Variants in ZFHX3 observed in about 807,000 individuals in gnomAD.
ZFHX3 encodes the protein zinc finger homeobox protein 3.
A neutral mutation model predicts 279.1 loss-of-function variants in ZFHX3; 42 were observed. The observed-to-expected ratio is 0.15, with a 90% CI of 0.12 to 0.19. The LOEUF (loss-of-function observed/expected upper bound fraction) is 0.19, where lower values mean the gene tolerates loss of function less well. ZFHX3 is among the 10% of genes least tolerant of loss of function. ZFHX3 has a pLI of 1.00. For synonymous variants in ZFHX3, 2,293 were observed against 1,957.8 expected, an observed-to-expected ratio of 1.17 and a Z score of -4.52; for missense variants, 4,981 against 4,754.0, an observed-to-expected ratio of 1.05 and a Z score of -1.40.
At chr16:73,241,080 G>A (rs1249888835) in intron 5 of ZFHX3, among the ~76,000 whole-genome samples, 1 of 152,142 alleles carries the variant, frequency 6.6e-6, no homozygotes, top group Non-Finnish European at 1.5e-5. Context: ...CAAAGACTAG[G>A]CAATTGATGA....
At chr16:72,916,566 G>A (rs80060958) in intron 3 of ZFHX3, among the ~76,000 whole-genome samples, 1,535 of 152,284 alleles carry the variant, frequency 0.01, 44 homozygotes, top group East Asian at 0.037. Context: ...TCATTTGTAC[G>A]AATTGACTAA....
intron 3 of ZFHX3, among the ~76,000 whole-genome samples, chr16:73,407,185 G>A (rs1362745409): frequency 2.0e-5 from 3 of 152,194 alleles, no homozygotes; most frequent in Non-Finnish European, 4.4e-5. Context: ...CCTACCTCCA[G>A]CCACCACGGA....
chr16:72,872,036 G>T (rs529204691), intron 4 of ZFHX3, among the ~76,000 whole-genome samples: 3 of 151,964 alleles, frequency 2.0e-5, no homozygotes, highest in African/African-American at 7.2e-5. Flanking sequence ...AGTTAGCCGA[G>T]ATCCTGCCAC....
chr16:73,874,228 T>C (rs1398464348), intron 1 of ZFHX3, among the ~76,000 whole-genome samples: 1 of 152,116 alleles, frequency 6.6e-6, no homozygotes, highest in African/African-American at 2.4e-5. Flanking sequence ...TGTGCATATT[T>C]AGGAAGAAAA....
chr16:73,284,571 C>G (rs2143073440), intron 4 of ZFHX3, among the ~76,000 whole-genome samples: 1 of 152,166 alleles, frequency 6.6e-6, no homozygotes, highest in Admixed American at 6.5e-5. Flanking sequence ...ATGAAATACT[C>G]TCAAATTGGC....
At chr16:73,222,913 C>G (rs1006045712) in intron 5 of ZFHX3, among the ~76,000 whole-genome samples, 2 of 152,046 alleles carry the variant, frequency 1.3e-5, no homozygotes, top group African/African-American at 4.8e-5. Flanking sequence ...AGAAATATAC[C>G]TGCATAAAAA....
chr16:73,516,862 G>C (rs2019530898), intron 2 of ZFHX3, among the ~76,000 whole-genome samples: 1 of 152,060 alleles, frequency 6.6e-6, no homozygotes, highest in Non-Finnish European at 1.5e-5. Context: ...CCCCACCGTG[G>C]GGCTCATCTT....
At chr16:73,014,899 G>C (rs1196186661) in intron 1 of ZFHX3, 2 of 152,036 alleles carry the variant, frequency 1.3e-5, no homozygotes, top group East Asian at 3.9e-4. Flanking sequence ...ACAGAAGCAG[G>C]GGTGTCCCTG....
chr16:73,268,685 A>G (rs1036485258), intron 4 of ZFHX3, among the ~76,000 whole-genome samples: 19 of 152,208 alleles, frequency 1.2e-4, no homozygotes, highest in African/African-American at 4.6e-4. Flanking sequence ...CTCGGGGCGC[A>G]CCTGCCCTTT....
intron 3 of ZFHX3, among the ~76,000 whole-genome samples, chr16:73,417,946 G>C (rs1234363241): frequency 7.7e-6 from 1 of 129,388 alleles, no homozygotes; most frequent in Non-Finnish European, 1.5e-5. Context: ...CTGAGATCGC[G>C]CCACTGCACT....
chr16:73,833,783 A>G (rs1336149971), intron 1 of ZFHX3, among the ~76,000 whole-genome samples: 1 of 150,602 alleles, frequency 6.6e-6, no homozygotes, highest in Non-Finnish European at 1.5e-5. Flanking sequence ...TACAAAGATA[A>G]TAACTACATC....
chr16:73,358,398 A>C (rs1237923846), intron 3 of ZFHX3, among the ~76,000 whole-genome samples: 1 of 152,182 alleles, frequency 6.6e-6, no homozygotes, highest in Non-Finnish European at 1.5e-5. Flanking sequence ...TACTGGCGGG[A>C]AACCGAGCGC....
At chr16:73,573,253 C>T (rs1051643288) in intron 2 of ZFHX3, among the ~76,000 whole-genome samples, 4 of 152,132 alleles carry the variant, frequency 2.6e-5, no homozygotes, top group African/African-American at 9.7e-5. Flanking sequence ...ACAGAAGACC[C>T]TCACCACCCT....
intron 1 of ZFHX3, among the ~76,000 whole-genome samples, chr16:73,742,692 C>T (rs949520271): frequency 3.5e-4 from 54 of 152,254 alleles, no homozygotes; most frequent in Middle Eastern, 3.4e-3. Flanking sequence ...AGCAAGTAAC[C>T]ACTGCAAAAA....
At chr16:73,425,976 G>A (rs557450651) in intron 3 of ZFHX3, among the ~76,000 whole-genome samples, 16 of 152,154 alleles carry the variant, frequency 1.1e-4, no homozygotes, top group African/African-American at 3.1e-4. Context: ...CTCTGTCAAC[G>A]GTGATCCTCT....
At chr16:72,790,480 G>T (rs911417637) in intron 9 of ZFHX3, 1 of 152,186 alleles carries the variant, frequency 6.6e-6, no homozygotes, top group African/African-American at 2.4e-5. Context: ...GCCCAGACTT[G>T]GGGGAAGACT....
chr16:73,443,007 T>A (rs1567485606), intron 3 of ZFHX3, among the ~76,000 whole-genome samples: 1 of 152,158 alleles, frequency 6.6e-6, no homozygotes, highest in South Asian at 2.1e-4. Context: ...TGATATTGGA[T>A]TAGGGCCCAC....
At chr16:73,180,777 C>T (rs1967772569) in intron 5 of ZFHX3, among the ~76,000 whole-genome samples, 1 of 152,122 alleles carries the variant, frequency 6.6e-6, no homozygotes, top group African/African-American at 2.4e-5. Context: ...ATTCTCGTGC[C>T]TCAGCCTCCT....
At chr16:73,038,956 C>T (rs1165521681) in intron 1 of ZFHX3, among the ~76,000 whole-genome samples, 5 of 151,814 alleles carry the variant, frequency 3.3e-5, no homozygotes, top group Admixed American at 3.3e-4. Flanking sequence ...CACCACCACG[C>T]CCGGCTAATT....
Sources: allele counts gnomAD v4.1 joint callset (sites outside exome capture counted in the v4.1 genomes callset), GRCh38; gene constraint gnomAD v4.1.1; transcripts MANE v1.5; gene names NCBI Gene and HGNC (gene_info 2026-07-23, HGNC 2026-07-21).